Variants in MTMR2 observed in about 807,000 individuals in gnomAD.
The protein encoded by MTMR2 is myotubularin related protein 2, also known as phosphatidylinositol-3,5-bisphosphate 3-phosphatase MTMR2.
Under a neutral mutation model 86.9 loss-of-function variants are expected in MTMR2, and 55 were observed. The ratio of observed to expected loss-of-function variants is 0.63; its 90% CI spans 0.51 to 0.79. The LOEUF (loss-of-function observed/expected upper bound fraction) is 0.79, where lower values mean the gene tolerates loss of function less well. Among genes scored for constraint, MTMR2 ranks in the 30% least tolerant of loss-of-function variants. The pLI is 0.00. For synonymous variants in MTMR2, 241 were observed against 266.8 expected (o/e 0.90, Z 0.94); for missense variants, 659 against 772.3 (o/e 0.85, Z 1.74).
chr11:95,849,907 G>A, intron 8 of MTMR2, 45 bp from the exon 9 acceptor site: 1 of 1,525,182 alleles, frequency 6.6e-7, no homozygotes, highest in Non-Finnish European at 9.1e-7. Context: ...ATACTTCTCT[G>A]TTTATAATTC....
chr11:95,865,629 C>G lies in MTMR2; in HGVS notation c.234G>C (p.Leu78Phe). 1 of 1,613,888 alleles carries G rather than the reference C, an allele frequency of 6.2e-7. No homozygotes were observed. Among genetic ancestry groups the G allele is most frequent in the Non-Finnish European group, 8.5e-7 (1 of 1,179,810 alleles). Residue 78 changes from leucine (L) to phenylalanine (F), a missense_variant, in exon 3 of 15, where the codon TTG (leucine) becomes TTC (phenylalanine). Physicochemically the swap from Leu to Phe is conservative, Grantham distance 22. Transcript: ENST00000346299. ...TGTCTTTAATATTTTCTCCTGGAAG[C>G]AAGGGTGGTTCTTCCATTTCTGCTA... ...NKLAEMEEPP[L>F]LPGENIKDMA...
intron 2 of MTMR2, among the ~76,000 whole-genome samples, chr11:95,873,840 A>C (rs1303417179): frequency 1.3e-5 from 2 of 152,042 alleles, no homozygotes; most frequent in Admixed American, 1.3e-4. Context: ...TTCTGCCTTC[A>C]TTTTGTTATG....
Position 95,870,735 on chromosome 11 carries a change from TTC to T in MTMR2, c.187-5061_187-5060del, listed in dbSNP as rs746467863. 2.0e-4 allele frequency among the ~76,000 whole-genome samples: 29 copies of T among 144,632 alleles called. 3 individuals are homozygous for T. Among genetic ancestry groups the T allele is most frequent in the Middle Eastern group, 3.5e-3 (1 of 282 alleles). The allele number at this position is 144,632 out of a possible 152,430, so 94.9% of individuals were successfully genotyped here. A position where few individuals can be genotyped will look rare whatever the true frequency, so the allele number is the denominator to read the frequency against. ...TTTTTTTAAGGTTCTTTTTTTCTTT[TTC>T]TTTTTTTTTTTATTATACTTTAAGT... is the stretch of plus-strand genomic sequence containing the variant. On this transcript the variant is annotated intron_variant, in intron 2 of 14. Transcript: ENST00000346299.
At chr11:95,903,540 C>G (rs892220647) in intron 1 of MTMR2, among the ~76,000 whole-genome samples, 4 of 152,214 alleles carry the variant, frequency 2.6e-5, no homozygotes, top group Admixed American at 1.3e-4. Context: ...CTTACCTCAA[C>G]TAGACCCTTA....
At chr11:95,899,095 A>G (rs920993462) in intron 1 of MTMR2, among the ~76,000 whole-genome samples, 3 of 152,182 alleles carry the variant, frequency 2.0e-5, no homozygotes, top group Non-Finnish European at 2.9e-5. Flanking sequence ...ACTTTTAACA[A>G]TAAGTCGAAG....
intron 10 of MTMR2, among the ~76,000 whole-genome samples, chr11:95,846,879 A>C (rs1405672141): frequency 6.6e-6 from 1 of 152,182 alleles, no homozygotes; most frequent in East Asian, 1.9e-4. Flanking sequence ...AATAGTAAAA[A>C]TGGTCTATTT....
At chr11:95,871,558 T>C (rs979303737) in intron 2 of MTMR2, among the ~76,000 whole-genome samples, 3 of 152,256 alleles carry the variant, frequency 2.0e-5, no homozygotes, top group African/African-American at 7.2e-5. Context: ...TATCTGTTTA[T>C]ATCTTTCACC....
chr11:95,843,789 TA>T (rs1190604450), intron 11 of MTMR2, among the ~76,000 whole-genome samples: 7 of 152,282 alleles, frequency 4.6e-5, no homozygotes, highest in Admixed American at 1.3e-4. Flanking sequence ...ATAATAAGCT[TA>T]TTTCCTAAAT....
chr11:95,922,283 C>T (rs1324181786), intron 1 of MTMR2, among the ~76,000 whole-genome samples: 1 of 152,204 alleles, frequency 6.6e-6, no homozygotes, highest in African/African-American at 2.4e-5. Flanking sequence ...TACTGTGCTG[C>T]TTCATGTGGT....
At position 95,862,367 on chromosome 11, in the gene MTMR2, C is replaced by CCATGTCTTTAATA; in HGVS notation, c.263-2_263-1insTATTAAAGACATG. The CCATGTCTTTAATA allele has an allele frequency of 1.2e-6, 2 of 1,612,286 alleles. No homozygotes were observed. The highest frequency in any genetic ancestry group is 1.7e-6 in the Non-Finnish European group (2 of 1,178,486). ...GGACATATATAAGTTACATCTTTGG[C>CCATGTCTTTAATA]TGAAAAAGCAAGAAGTCCACAGTTT... On this transcript the variant is annotated splice_acceptor_variant, in intron 3 of 14. Coordinates refer to ENST00000346299, the MANE Select transcript of MTMR2 (RefSeq NM_016156.6). LOFTEE classifies it high-confidence loss of function.
At chr11:95,841,589 G>T in intron 12 of MTMR2, 28 bp downstream of exon 12, 1 of 1,496,288 alleles carries the variant, frequency 6.7e-7, no homozygotes, top group Non-Finnish European at 9.3e-7. Flanking sequence ...AAGGAGATGT[G>T]TAAGAATACA....
chr11:95,853,925 T>C (rs1214146009), intron 7 of MTMR2, among the ~76,000 whole-genome samples: 1 of 152,136 alleles, frequency 6.6e-6, no homozygotes, highest in Non-Finnish European at 1.5e-5. Flanking sequence ...GAGGGCCTAA[T>C]GTACCATCCC....
intron 2 of MTMR2, among the ~76,000 whole-genome samples, chr11:95,879,397 TC>T (rs1249818317): frequency 1.3e-5 from 2 of 152,174 alleles, no homozygotes; most frequent in Non-Finnish European, 2.9e-5. Flanking sequence ...ACTCCTCTCT[TC>T]CCATAATCTG....
In MTMR2 at chr11:95,853,944, G is replaced by T. The variant is rs661667; in HGVS notation, c.655-3195C>A. On this transcript the variant is annotated intron_variant, in intron 7 of 14. Transcript: ENST00000346299. ...GCCTAATGTACCATCCCCCAACCCA[G>T]AAAGGTACTCCTGTCTCTCTCCCAC... Among the ~76,000 whole-genome samples the T allele has an allele frequency of 9.3e-3, 1,421 of 152,098 alleles. 22 individuals are homozygous for T. Among genetic ancestry groups the T allele is most frequent in the African/African-American group, 0.033 (1,373 of 41,502 alleles).
At chr11:95,867,218 TACA>T (rs1259388921) in intron 2 of MTMR2, among the ~76,000 whole-genome samples, 4 of 152,160 alleles carry the variant, frequency 2.6e-5, no homozygotes, top group East Asian at 1.9e-4. Context: ...CACTCAGAAA[TACA>T]ACGTTTATGT....
chr11:95,845,055 A>G lies in MTMR2; in HGVS notation c.1284T>C (p.Thr428=), dbSNP rs1863721574. The part of the protein sequence containing the change: ...SDGWDRTAQL[T]SLAMLMLDGY... ...CATCCAACATGAGCATGGCAAGGGAAGTGAGCTGAGCTGTGCGATCCCAAC... is the reference window on the plus strand; with the variant it reads ...CATCCAACATGAGCATGGCAAGGGAGGTGAGCTGAGCTGTGCGATCCCAAC... Residue 428 remains threonine (T), a synonymous_variant, in exon 11 of 15, where the codon ACT becomes ACC. Transcript: ENST00000346299. 1 of 1,613,970 alleles carries G rather than the reference A, an allele frequency of 6.2e-7. No homozygotes were observed. The highest frequency in any genetic ancestry group is 8.5e-7 in the Non-Finnish European group (1 of 1,179,876).
intron 10 of MTMR2, among the ~76,000 whole-genome samples, chr11:95,846,583 GA>G (rs1863803322): frequency 6.6e-6 from 1 of 152,176 alleles, no homozygotes. Flanking sequence ...TTCTTTGTGT[GA>G]TAAGGATTGG....
rs1340807011 is a variant in MTMR2 at position 95,873,350 on chromosome 11, C to G, written c.187-7674G>C. On this transcript the variant is annotated intron_variant, in intron 2 of 14. Transcript: ENST00000346299. ...TTTAGCCTTGGGAGAGTGTATGTGT[C>G]GAGGAATTTATCCATTTCTTCTAGA... is the stretch of plus-strand genomic sequence containing the variant. Among the ~76,000 whole-genome samples the G allele has an allele frequency of 3.9e-5, 6 of 152,218 alleles. No homozygotes were observed. The East Asian group carries it at 7.7e-4, about 20-fold the overall frequency.
chr11:95,907,476 C>G (rs902942710), intron 1 of MTMR2, among the ~76,000 whole-genome samples: 5 of 151,818 alleles, frequency 3.3e-5, no homozygotes, highest in African/African-American at 1.2e-4. Flanking sequence ...ACTATTCCCC[C>G]CAAAAAAATG....
Sources: allele counts gnomAD v4.1 joint callset (sites outside exome capture counted in the v4.1 genomes callset), GRCh38; gene constraint gnomAD v4.1.1; transcripts MANE v1.5; gene names NCBI Gene and HGNC (gene_info 2026-07-23, HGNC 2026-07-21).